Variants in PNPT1 observed in about 807,000 individuals in gnomAD.
PNPT1 encodes polyribonucleotide nucleotidyltransferase 1, mitochondrial.
In PNPT1, 53 loss-of-function variants were observed where a neutral mutation model predicts 119.5. That is an observed-to-expected ratio of 0.44 (90% CI 0.36 to 0.56). PNPT1 has a LOEUF of 0.56. Ranked by LOEUF, PNPT1 falls within the 20% of genes least tolerant of loss-of-function variation. The pLI, the probability that PNPT1 is intolerant of heterozygous loss-of-function variation, is 0.00. For synonymous variants in PNPT1, 357 were observed against 322.1 expected, an observed-to-expected ratio of 1.11 and a Z score of -1.16; for missense variants, 948 against 938.5, an observed-to-expected ratio of 1.01 and a Z score of -0.13.
chr2:55,681,844 CAA>C (rs374935154), intron 5 of PNPT1, among the ~76,000 whole-genome samples: 4 of 129,936 alleles, frequency 3.1e-5, no homozygotes, highest in Non-Finnish European at 4.8e-5. Context: ...AACTCCATTT[CAA>C]AAAAAAAAAA....
chr2:55,645,317 C>G, intron 22 of PNPT1, 32 bp downstream of exon 22: 1 of 1,509,776 alleles, frequency 6.6e-7, no homozygotes, highest in Non-Finnish European at 9.2e-7. Flanking sequence ...AGCCACCGCG[C>G]CCAGCCGATC....
intron 13 of PNPT1, among the ~76,000 whole-genome samples, chr2:55,664,938 G>A (rs1326018326): frequency 6.6e-6 from 1 of 151,942 alleles, no homozygotes; most frequent in Non-Finnish European, 1.5e-5. Context: ...AATCCTAGAA[G>A]GATATTTTGA....
chr2:55,660,040 G>C, intron 15 of PNPT1, 117 bp downstream of exon 15: 1 of 971,334 alleles, frequency 1.0e-6, no homozygotes, highest in Non-Finnish European at 1.4e-6. Context: ...GGAGGGAGAG[G>C]TTGCAGTGAG....
chr2:55,646,187 G>A (rs770201707), intron 21 of PNPT1, 72 bp downstream of exon 21: 19 of 1,360,926 alleles, frequency 1.4e-5, no homozygotes, highest in Non-Finnish European at 1.9e-5. Flanking sequence ...TTTATAATAA[G>A]CCTAATGAGA....
Position 55,634,582 on chromosome 2 carries a change from T to C in PNPT1, c.*1655A>G. The C allele has an allele frequency of 7.3e-6, 1 of 137,260 alleles. No individual in the cohort carries two copies. The highest frequency in any genetic ancestry group is 1.6e-5 in the Non-Finnish European group (1 of 64,232). The allele number at this position is 137,260 out of a possible 1,614,324, so 8.5% of individuals were successfully genotyped here. On this transcript the variant is annotated 3_prime_UTR_variant, in exon 28 of 28. Coordinates refer to ENST00000447944, the MANE Select transcript of PNPT1 (RefSeq NM_033109.5). ...CACCATTTTTTTTTTTGAGATGGAG[T>C]TTTACTCTTTTTGCCCAGGCTGGAG...
chr2:55,676,829 T>C (rs1306668231), intron 8 of PNPT1, among the ~76,000 whole-genome samples: 2 of 146,414 alleles, frequency 1.4e-5, no homozygotes, highest in Admixed American at 1.4e-4. Flanking sequence ...GCCACTGTAC[T>C]CCAGCCTCGG....
At chr2:55,638,529 G>A (rs1572792063) in intron 26 of PNPT1, among the ~76,000 whole-genome samples, 2 of 151,946 alleles carry the variant, frequency 1.3e-5, no homozygotes, top group Middle Eastern at 6.9e-3. Context: ...TGTGCCTGGG[G>A]ACCCAGCTTC....
At chr2:55,651,899 A>AAC (rs1553495492) in intron 18 of PNPT1, among the ~76,000 whole-genome samples, 1 of 151,296 alleles carries the variant, frequency 6.6e-6, no homozygotes, top group Non-Finnish European at 1.5e-5. Context: ...AAAAAAAAAA[A>AAC]AAAAACAATA....
chr2:55,646,999 G>A (rs1043352998), intron 19 of PNPT1, among the ~76,000 whole-genome samples: 1 of 151,928 alleles, frequency 6.6e-6, no homozygotes, highest in African/African-American at 2.4e-5. Context: ...CCATGCCCAG[G>A]CTAATTTTTG....
intron 22 of PNPT1, 169 bp downstream of exon 22, chr2:55,645,180 C>T (rs994236977): frequency 3.0e-5 from 13 of 432,098 alleles, no homozygotes; most frequent in South Asian, 2.6e-4. Flanking sequence ...CCCGCCACCA[C>T]GCCCGGCTAA....
intron 15 of PNPT1, among the ~76,000 whole-genome samples, chr2:55,656,790 TAG>T (rs1399439489): frequency 6.6e-6 from 1 of 152,258 alleles, no homozygotes; most frequent in Non-Finnish European, 1.5e-5. Context: ...TGATACTTTT[TAG>T]AGTTATCTCT....
At chr2:55,654,401 A>T (rs1211346436) in intron 18 of PNPT1, among the ~76,000 whole-genome samples, 1 of 152,242 alleles carries the variant, frequency 6.6e-6, no homozygotes, top group Non-Finnish European at 1.5e-5. Context: ...GGCTTGTATA[A>T]ATCGACTGAA....
intron 14 of PNPT1, among the ~76,000 whole-genome samples, chr2:55,661,137 G>A (rs976347384): frequency 2.4e-5 from 3 of 123,846 alleles, no homozygotes; most frequent in African/African-American, 6.4e-5. Context: ...TCGCTCTGTC[G>A]TCCAGGCTGG....
intron 26 of PNPT1, among the ~76,000 whole-genome samples, chr2:55,639,907 T>C (rs1267077909): frequency 7.9e-5 from 12 of 152,192 alleles, no homozygotes; most frequent in Non-Finnish European, 1.5e-4. Context: ...ATTTAGCTCT[T>C]TGATCCAGAC....
chr2:55,636,490 G>A, intron 27 of PNPT1, 98 bp from the exon 28 acceptor site: 1 of 1,300,620 alleles, frequency 7.7e-7, no homozygotes, highest in South Asian at 1.4e-5. Context: ...ATAAGGCAAT[G>A]ATTGTTTTTA....
At chr2:55,638,638 G>C (rs992166742) in intron 26 of PNPT1, among the ~76,000 whole-genome samples, 1 of 152,154 alleles carries the variant, frequency 6.6e-6, no homozygotes, top group South Asian at 2.1e-4. Context: ...GACAGAGCAA[G>C]ACCCTGTCTC....
In PNPT1 at chr2:55,672,053, A is replaced by T; in HGVS notation, c.867-7T>A. ...GAGTCTCTCCATAGCAAGTCTATTT[A>T]AGCAGAAAATAAATGTTAGCATAAT... On this transcript the variant is annotated splice_region_variant and splice_polypyrimidine_tract_variant and intron_variant, in intron 9 of 27. Coordinates refer to ENST00000447944, the MANE Select transcript of PNPT1 (RefSeq NM_033109.5). 6.3e-7 allele frequency: 1 copy of T among 1,582,202 alleles called. No individual in the cohort carries two copies. The highest frequency in any genetic ancestry group is 1.8e-5 in the Admixed American group (1 of 55,138).
At chr2:55,686,954 T>C (rs1321095265) in intron 2 of PNPT1, among the ~76,000 whole-genome samples, 1 of 151,414 alleles carries the variant, frequency 6.6e-6, no homozygotes, top group African/African-American at 2.4e-5. Context: ...GTGGCTCACG[T>C]CTGTAATCCC....
At chr2:55,663,056 T>A (rs1382486346) in intron 13 of PNPT1, among the ~76,000 whole-genome samples, 1 of 151,872 alleles carries the variant, frequency 6.6e-6, no homozygotes, top group Non-Finnish European at 1.5e-5. Flanking sequence ...AGCTAATTTT[T>A]TGTATTTTTA....
Sources: gnomAD v4.1 joint callset for allele counts (sites outside exome capture counted in the v4.1 genomes callset) on GRCh38, gnomAD v4.1.1 for gene constraint, MANE v1.5 for transcripts, NCBI Gene and HGNC (gene_info 2026-07-23, HGNC 2026-07-21) for gene names.